SGCZ: variants seen among roughly 807,000 people sequenced by gnomAD.
The protein encoded by SGCZ is sarcoglycan zeta.
A neutral mutation model predicts 41.3 loss-of-function variants in SGCZ; 40 were observed. The observed-to-expected ratio is 0.97, with a 90% confidence interval of 0.75 to 1.26. The LOEUF is 1.26. Ranked by LOEUF, SGCZ falls within the 50% of genes most tolerant of loss-of-function variation. The pLI is 0.00. For missense variants in SGCZ, 552 were observed against 369.8 expected (o/e 1.49, Z -4.04); for synonymous variants, 206 against 137.5 (o/e 1.50, Z -3.49).
At chr8:14,436,511 T>C (rs1800098628) in intron 2 of SGCZ, among the ~76,000 whole-genome samples, 1 of 152,216 alleles carries the variant, frequency 6.6e-6, no homozygotes, top group Non-Finnish European at 1.5e-5. Flanking sequence ...ATTATTTTTA[T>C]AGTGGTAGTA....
intron 2 of SGCZ, among the ~76,000 whole-genome samples, chr8:14,419,121 T>C (rs1020331041): frequency 6.6e-6 from 1 of 151,848 alleles, no homozygotes; most frequent in Non-Finnish European, 1.5e-5. Context: ...GGGAAAAGTA[T>C]AATAAAAATA....
intron 2 of SGCZ, among the ~76,000 whole-genome samples, chr8:14,512,948 G>T (rs1802508808): frequency 6.6e-6 from 1 of 151,594 alleles, no homozygotes; most frequent in Admixed American, 6.6e-5. Context: ...AATGAAGCCT[G>T]ATAATGTCTA....
At chr8:14,574,592 T>A (rs1230300955) in intron 1 of SGCZ, among the ~76,000 whole-genome samples, 1 of 152,196 alleles carries the variant, frequency 6.6e-6, no homozygotes, top group African/African-American at 2.4e-5. Flanking sequence ...TTCTCTCCAA[T>A]CACATTTCTA....
chr8:14,178,232 G>A (rs968438376), intron 4 of SGCZ, among the ~76,000 whole-genome samples: 2 of 152,088 alleles, frequency 1.3e-5, no homozygotes, highest in Admixed American at 1.3e-4. Flanking sequence ...GGGATTACAG[G>A]CTTGAGCCAC....
At chr8:14,776,470 T>A (rs1347967423) in intron 1 of SGCZ, among the ~76,000 whole-genome samples, 2 of 152,114 alleles carry the variant, frequency 1.3e-5, no homozygotes, top group Non-Finnish European at 2.9e-5. Context: ...CTCGGATATG[T>A]CTTTATTAGC....
chr8:14,098,422 G>C (rs529655165), intron 7 of SGCZ, among the ~76,000 whole-genome samples: 1 of 152,268 alleles, frequency 6.6e-6, no homozygotes, highest in African/African-American at 2.4e-5. Context: ...CTTCTTGCTT[G>C]TGATACACTT....
chr8:14,796,909 C>T (rs1801151872), intron 1 of SGCZ, among the ~76,000 whole-genome samples: 1 of 152,202 alleles, frequency 6.6e-6, no homozygotes, highest in East Asian at 1.9e-4. Context: ...ACTCAGCTAT[C>T]AGTCTCTTTC....
At chr8:15,159,752 A>C (rs198528) in intron 1 of SGCZ, among the ~76,000 whole-genome samples, 2,936 of 25,972 alleles carry the variant, frequency 0.11, 209 homozygotes, top group African/African-American at 0.19. Context: ...CCTCCCCCCC[A>C]CCCCCGCCAC....
chr8:14,859,484 T>C (rs751927705), intron 1 of SGCZ, among the ~76,000 whole-genome samples: 5 of 152,140 alleles, frequency 3.3e-5, no homozygotes, highest in African/African-American at 9.7e-5. Context: ...CAGGGACACA[T>C]TGGACTCTTC....
At chr8:15,172,164 T>A (rs1456403527) in intron 1 of SGCZ, among the ~76,000 whole-genome samples, 1 of 108,610 alleles carries the variant, frequency 9.2e-6, no homozygotes. Flanking sequence ...GTTTTTTTTT[T>A]TTTTTTTTTT....
chr8:15,114,756 GTT>G (rs1182595043), intron 1 of SGCZ, among the ~76,000 whole-genome samples: 1 of 138,996 alleles, frequency 7.2e-6, no homozygotes, highest in African/African-American at 2.6e-5. Context: ...TTTTCTTTTT[GTT>G]TTTTTTTTTT....
chr8:14,547,299 C>G (rs1330193286), intron 2 of SGCZ, among the ~76,000 whole-genome samples: 1 of 152,106 alleles, frequency 6.6e-6, no homozygotes, highest in Admixed American at 6.6e-5. Context: ...GACAAATAAG[C>G]TCCCTCATTC....
At chr8:15,031,403 T>A (rs1202058575) in intron 1 of SGCZ, among the ~76,000 whole-genome samples, 1 of 152,156 alleles carries the variant, frequency 6.6e-6, no homozygotes, top group African/African-American at 2.4e-5. Flanking sequence ...CTTAATCCCT[T>A]AAGAAGCTTT....
chr8:14,479,446 A>G (rs1362960926), intron 2 of SGCZ, among the ~76,000 whole-genome samples: 2 of 152,148 alleles, frequency 1.3e-5, no homozygotes, highest in African/African-American at 4.8e-5. Flanking sequence ...TGGGTCTCCC[A>G]GTTCACTGAC....
chr8:14,158,101 T>C (rs555388653), intron 5 of SGCZ, among the ~76,000 whole-genome samples: 45 of 147,194 alleles, frequency 3.1e-4, no homozygotes, highest in African/African-American at 1.0e-3. Flanking sequence ...TTCACATGTC[T>C]TTTTTTTTTT....
chr8:14,817,070 T>C (rs1408547994), intron 1 of SGCZ, among the ~76,000 whole-genome samples: 1 of 152,196 alleles, frequency 6.6e-6, no homozygotes, highest in Admixed American at 6.5e-5. Context: ...AGAGATAGCT[T>C]CTTCCACACT....
chr8:14,927,684 GCAGTTATTT>G (rs759469029), intron 1 of SGCZ, among the ~76,000 whole-genome samples: 64 of 152,230 alleles, frequency 4.2e-4, no homozygotes, highest in Non-Finnish European at 6.5e-4. Context: ...ACTTTACTAT[GCAGTTATTT>G]CATCTTCTTA....
chr8:15,081,451 C>T (rs964465727), intron 1 of SGCZ, among the ~76,000 whole-genome samples: 21 of 148,776 alleles, frequency 1.4e-4, no homozygotes, highest in African/African-American at 4.9e-4. Flanking sequence ...TCAGAGATGA[C>T]TAGTGGAGAT....
rs73519454 is a variant in SGCZ, at chr8:14,262,924, C to A, written c.337-25245G>T. Reference sequence around the variant, plus strand: ...ACTCACTACATCACAACTAAGAAAACAAAACCAAAATTGAGAAATCCCTTA... The same window carrying A: ...ACTCACTACATCACAACTAAGAAAAAAAAACCAAAATTGAGAAATCCCTTA... On this transcript the variant is annotated intron_variant, in intron 3 of 7. Transcript: ENST00000382080. 6.3e-3 allele frequency among the ~76,000 whole-genome samples: 954 copies of A among 151,702 alleles called. 9 individuals carry two copies. Among genetic ancestry groups the A allele is most frequent in the African/African-American group, 0.022 (913 of 41,396 alleles).
Sources: gnomAD v4.1 joint callset for allele counts (sites outside exome capture counted in the v4.1 genomes callset) on GRCh38, gnomAD v4.1.1 for gene constraint, MANE v1.5 for transcripts, NCBI Gene and HGNC (gene_info 2026-07-23, HGNC 2026-07-21) for gene names.